ATG13: variants seen among roughly 807,000 people sequenced by gnomAD.
The protein encoded by ATG13 is autophagy-related protein 13.
ATG13 carries 23 observed loss-of-function variants against 65.5 expected under a neutral mutation model. That is an observed-to-expected ratio of 0.35 (90% confidence interval 0.25 to 0.50). The LOEUF is 0.50. Among genes scored for constraint, ATG13 ranks in the 20% least tolerant of loss-of-function variants. The probability of loss-of-function intolerance (pLI) is 0.98; values close to 1 mark genes in which losing one functional copy is unlikely to be tolerated. For missense variants in ATG13, 566 were observed against 677.0 expected (o/e 0.84, Z 1.82); for synonymous variants, 252 against 245.2 (o/e 1.03, Z -0.26).
intron 2 of ATG13, among the ~76,000 whole-genome samples, chr11:46,637,979 T>C (rs1041308201): frequency 6.6e-6 from 1 of 152,110 alleles, no homozygotes; most frequent in Admixed American, 6.6e-5. Context: ...GGGCCAATGG[T>C]TTTTTGTTTT....
At chr11:46,654,483 G>T (rs2059617811) in intron 7 of ATG13, among the ~76,000 whole-genome samples, 1 of 151,614 alleles carries the variant, frequency 6.6e-6, no homozygotes, top group African/African-American at 2.4e-5. Flanking sequence ...CACTTTGGGA[G>T]AATGAGGTGG....
chr11:46,645,721 C>T (rs1448186164), intron 4 of ATG13, 149 bp from the exon 5 acceptor site: 2 of 1,158,654 alleles, frequency 1.7e-6, no homozygotes, highest in African/African-American at 1.6e-5. Flanking sequence ...GGCTTTGATG[C>T]AGGATTATCC....
At chr11:46,643,992 A>C (rs995776482) in intron 2 of ATG13, among the ~76,000 whole-genome samples, 12 of 152,244 alleles carry the variant, frequency 7.9e-5, no homozygotes, top group Admixed American at 6.5e-4. Context: ...CTGCTGGATG[A>C]TGAAATAATT....
chr11:46,622,131 A>ATATT (rs2047917829), intron 1 of ATG13, among the ~76,000 whole-genome samples: 1 of 101,510 alleles, frequency 9.9e-6, no homozygotes, highest in African/African-American at 3.5e-5. Flanking sequence ...ATATATATTT[A>ATATT]TTTTAGAGAT....
At chr11:46,668,451 C>T (rs1334162860) in intron 15 of ATG13, 48 bp from the exon 16 acceptor site, 28 of 1,573,602 alleles carry the variant, frequency 1.8e-5, no homozygotes, top group Non-Finnish European at 1.9e-5. Context: ...GAAGCATGAA[C>T]ACTGCAGGAG....
chr11:46,664,093 C>T lies in ATG13; in HGVS notation c.886C>T (p.Gln296Ter). 3.8e-6 allele frequency: 6 copies of T among 1,583,544 alleles called. No individual in the cohort carries two copies. The highest frequency in any genetic ancestry group is 4.3e-6 in the Non-Finnish European group (5 of 1,169,864). Residue 296 changes from glutamine (Q) to a stop codon, truncating the protein, a stop_gained and splice_region_variant, in exon 12 of 19, where the codon CAA becomes TAA. Coordinates refer to ENST00000683050, the MANE Select transcript of ATG13 (RefSeq NM_001346311.2). LOFTEE classifies it high-confidence loss of function. ...VPMAGLAFSH[Q>*]LSSSRLSYQP... ...CATGGCAGGACTGGCCTTTTCCCAT[C>T]AAGTGAGTCCATAATGGGAAGAAGG...
chr11:46,626,864 C>G (rs1458096731), intron 1 of ATG13, among the ~76,000 whole-genome samples: 1 of 152,114 alleles, frequency 6.6e-6, no homozygotes, highest in Non-Finnish European at 1.5e-5. Flanking sequence ...CCTTTGAAAC[C>G]ACAGTGTTAG....
At chr11:46,671,849 G>A (rs1392388971) in intron 18 of ATG13, among the ~76,000 whole-genome samples, 6 of 152,254 alleles carry the variant, frequency 3.9e-5, no homozygotes, top group Non-Finnish European at 5.9e-5. Flanking sequence ...CCCCCCAGGG[G>A]GTCCCGATGC....
In ATG13 at chr11:46,664,221, G is replaced by T. The variant is rs989270390; in HGVS notation, c.888+126G>T. 3 of 785,228 alleles carry T rather than the reference G, an allele frequency of 3.8e-6. No individual in the cohort carries two copies. In the East Asian group the frequency reaches 8.9e-5, roughly 23 times the overall value. The allele number at this position is 785,228 out of a possible 1,614,324, so 48.6% of individuals were successfully genotyped here. On this transcript the variant is annotated intron_variant, in intron 12 of 18. Coordinates refer to ENST00000683050, the MANE Select transcript of ATG13 (RefSeq NM_001346311.2). ...GTTCTGTGGGATTATTTTGAGGCTT[G>T]GTAATAGATTTTAATAGGACACAGC...
intron 1 of ATG13, among the ~76,000 whole-genome samples, chr11:46,626,031 C>G (rs1364209903): frequency 1.3e-5 from 2 of 152,180 alleles, no homozygotes; most frequent in African/African-American, 4.8e-5. Flanking sequence ...TCTTGGCTCA[C>G]TGCAAGCTCC....
chr11:46,661,883 G>A (rs2061298693), intron 11 of ATG13, among the ~76,000 whole-genome samples: 1 of 152,174 alleles, frequency 6.6e-6, no homozygotes, highest in Non-Finnish European at 1.5e-5. Flanking sequence ...AAAAGCAGGA[G>A]TTAATGTCTG....
Position 46,668,497 on chromosome 11 carries a change from A to G in ATG13, c.1252-2A>G. On this transcript the variant is annotated splice_acceptor_variant, in intron 15 of 18. Transcript: ENST00000683050. LOFTEE classifies it high-confidence loss of function. ...GAATGCTTTTCTCCTGTGTCTCTTC[A>G]GGTGACCCTGACGAGTTTGGATATA... 1 of 1,614,024 alleles carries G rather than the reference A, an allele frequency of 6.2e-7. No individual in the cohort carries two copies.
At chr11:46,659,532 T>C (rs368947034) in intron 11 of ATG13, 47 bp downstream of exon 11, 3 of 1,457,950 alleles carry the variant, frequency 2.1e-6, no homozygotes, top group African/African-American at 1.4e-5. Context: ...TTGGTATATA[T>C]ATGGGCTTTA....
chr11:46,666,112 A>C (rs1211254570), intron 14 of ATG13, among the ~76,000 whole-genome samples: 1 of 152,098 alleles, frequency 6.6e-6, no homozygotes, highest in Non-Finnish European at 1.5e-5. Flanking sequence ...CAGCCTCAAA[A>C]ATATTTTTTT....
chr11:46,660,111 A>G (rs1189496752), intron 11 of ATG13: 1 of 152,224 alleles, frequency 6.6e-6, no homozygotes, highest in Non-Finnish European at 1.5e-5. Flanking sequence ...TGCTTTGGCT[A>G]AACAGTCATT....
At chr11:46,663,966 T>TTTA in intron 11 of ATG13, 31 bp from the exon 12 acceptor site, 11 of 1,289,874 alleles carry the variant, frequency 8.5e-6, no homozygotes, top group South Asian at 1.4e-5. Context: ...TTTTTTTTGT[T>TTTA]TCTCCTGTCT....
chr11:46,657,492 A>T, intron 9 of ATG13, 32 bp from the exon 10 acceptor site: 1 of 1,596,888 alleles, frequency 6.3e-7, no homozygotes, highest in Middle Eastern at 1.7e-4. Flanking sequence ...AGGCATTCTA[A>T]CAAATACTGG....
intron 3 of ATG13, 132 bp downstream of exon 3, chr11:46,644,492 G>A (rs2057013668): frequency 2.8e-6 from 2 of 706,458 alleles, no homozygotes; most frequent in African/African-American, 3.6e-5. Flanking sequence ...ACTTCTGTCT[G>A]TTGTCAACCA....
At position 46,657,569 on chromosome 11, in the gene ATG13, C is replaced by T. The variant is rs142832676; in HGVS notation, c.642C>T (p.His214=). The T allele has an allele frequency of 5.0e-6, 8 of 1,613,740 alleles. No individual in the cohort carries two copies. The Admixed American group carries it at 6.7e-5, about 13-fold the overall frequency. ...TPPIMGIIID[H]FVDRPYPSSS... ...CTATCATGGGGATTATTATTGATCA[C>T]TTTGTGGACCGTCCCTATCCCAGCT... Residue 214 remains histidine (H), a synonymous_variant, in exon 10 of 19, where the codon CAC becomes CAT. Coordinates refer to ENST00000683050, the MANE Select transcript of ATG13 (RefSeq NM_001346311.2).
Sources: gnomAD v4.1 joint callset for allele counts (sites outside exome capture counted in the v4.1 genomes callset) on GRCh38, gnomAD v4.1.1 for gene constraint, MANE v1.5 for transcripts, NCBI Gene and HGNC (gene_info 2026-07-23, HGNC 2026-07-21) for gene names.